The following AUTS2 variants were observed in gnomAD, a reference collection of about 807,000 sequenced individuals.
AUTS2 encodes the protein activator of transcription and developmental regulator AUTS2.
In AUTS2, 17 loss-of-function variants were observed where a neutral mutation model predicts 112.4. That is an observed-to-expected ratio of 0.15 (90% CI 0.10 to 0.23). The LOEUF (loss-of-function observed/expected upper bound fraction) is 0.23. Ranked by LOEUF, AUTS2 falls within the 10% of genes least tolerant of loss-of-function variation. AUTS2 has a pLI of 1.00. For synonymous variants in AUTS2, 751 were observed against 702.7 expected (o/e 1.07, Z -1.09); for missense variants, 1,510 against 1,701.6 (o/e 0.89, Z 1.98).
rs2129561608 is a variant in AUTS2 at position 70,790,243 on chromosome 7, C to T, written c.3027C>T (p.Asn1009=). The T allele has an allele frequency of 6.2e-7, 1 of 1,612,946 alleles. No homozygotes were observed. Among genetic ancestry groups the T allele is most frequent in the Non-Finnish European group, 8.5e-7 (1 of 1,179,838 alleles). Residue 1009 remains asparagine, a synonymous_variant, in exon 19 of 19, where the codon AAC becomes AAT. Coordinates refer to ENST00000342771, the MANE Select transcript of AUTS2 (RefSeq NM_015570.4). This position sits in a 1 kb window ranked among gnomAD's most constrained non-coding sequence, Gnocchi z 7.6. The stretch of plus-strand genomic sequence containing the variant: ...GGGCCTCGGAGCCGCCGCCTCCCAA[C>T]TCCTCGTCCAGCGTGCACCCGGGGC... The part of the protein sequence containing the change: ...THRASEPPPP[N]SSSSVHPGPL...
intron 2 of AUTS2, among the ~76,000 whole-genome samples, chr7:70,109,627 A>G (rs1468218658): frequency 6.6e-6 from 1 of 152,214 alleles, no homozygotes; most frequent in African/African-American, 2.4e-5. Context: ...TTACTACGAT[A>G]AAGGGTTATG....
intron 4 of AUTS2, among the ~76,000 whole-genome samples, chr7:70,224,201 G>A (rs1014913259): frequency 1.3e-5 from 2 of 152,036 alleles, no homozygotes; most frequent in African/African-American, 4.8e-5. Flanking sequence ...TGTAGACTCA[G>A]CTACTCTGGA....
chr7:70,223,852 GTTT>G (rs34236397), intron 4 of AUTS2, among the ~76,000 whole-genome samples: 1 of 131,934 alleles, frequency 7.6e-6, no homozygotes. Context: ...TTGTATCTTT[GTTT>G]TTTTTTTTTT....
At chr7:70,677,457 T>C (rs1305813904) in intron 5 of AUTS2, among the ~76,000 whole-genome samples, 1 of 152,202 alleles carries the variant, frequency 6.6e-6, no homozygotes, top group Non-Finnish European at 1.5e-5. Flanking sequence ...CCCCAGCCTT[T>C]ACATCTTAGC....
At chr7:70,037,266 A>G (rs1007924360) in intron 2 of AUTS2, among the ~76,000 whole-genome samples, 1 of 152,200 alleles carries the variant, frequency 6.6e-6, no homozygotes, top group African/African-American at 2.4e-5. Flanking sequence ...GATTTGAGTC[A>G]ATGGATACAA....
At chr7:69,806,695 G>C (rs1347546655) in intron 1 of AUTS2, among the ~76,000 whole-genome samples, 1 of 152,198 alleles carries the variant, frequency 6.6e-6, no homozygotes, top group Non-Finnish European at 1.5e-5. Context: ...TTGAGGCAGA[G>C]AGAGAAAGTA....
At chr7:70,138,003 T>A (rs1038842735) in intron 4 of AUTS2, among the ~76,000 whole-genome samples, 4 of 152,214 alleles carry the variant, frequency 2.6e-5, no homozygotes, top group Admixed American at 2.6e-4. Context: ...TATATGAACA[T>A]GACGATGTTG....
rs1168908066 is a variant in AUTS2 at position 69,897,066 on chromosome 7, C to T, written c.310-2220C>T. Among the ~76,000 whole-genome samples, 4 of 152,226 alleles carry T rather than the reference C, an allele frequency of 2.6e-5. No homozygotes were observed. In the East Asian group the frequency reaches 7.7e-4, roughly 29 times the overall value. ...TTCCCCACACCATTATCATCCTAAA[C>T]ATAGGTCAGTGCTACATTGGTACTT... On this transcript the variant is annotated intron_variant, in intron 1 of 18. Transcript: ENST00000342771.
Position 70,776,903 on chromosome 7 carries a change from G to A in AUTS2, c.1933-200G>A, listed in dbSNP as rs902279571. On this transcript the variant is annotated intron_variant, in intron 13 of 18. Coordinates refer to ENST00000342771, the MANE Select transcript of AUTS2 (RefSeq NM_015570.4). ...TTTCTGAGTAGCAAACCCACGTGGGGAGAGAGGGGGAGCTGGCTGTGACTC... is the reference window on the plus strand; with the variant it reads ...TTTCTGAGTAGCAAACCCACGTGGGAAGAGAGGGGGAGCTGGCTGTGACTC... 15 of 618,538 alleles carry A rather than the reference G, an allele frequency of 2.4e-5. No individual in the cohort carries two copies. The Admixed American group carries it at 4.3e-4, about 18-fold the overall frequency. The allele number at this position is 618,538 out of a possible 1,614,324, so 38.3% of individuals were successfully genotyped here.
intron 1 of AUTS2, among the ~76,000 whole-genome samples, chr7:69,858,934 C>T (rs1792855923): frequency 6.6e-6 from 1 of 152,210 alleles, no homozygotes; most frequent in Non-Finnish European, 1.5e-5. Context: ...CTAATTATTT[C>T]TTCTTTACTT....
At chr7:70,057,370 A>G (rs1483632671) in intron 2 of AUTS2, among the ~76,000 whole-genome samples, 1 of 152,198 alleles carries the variant, frequency 6.6e-6, no homozygotes, top group Non-Finnish European at 1.5e-5. Flanking sequence ...TTTCAGGAGC[A>G]TCAATGCCGG....
chr7:69,995,044 C>T (rs1206940527), intron 2 of AUTS2, among the ~76,000 whole-genome samples: 1 of 152,042 alleles, frequency 6.6e-6, no homozygotes, highest in Non-Finnish European at 1.5e-5. Context: ...CTTAATAAGC[C>T]CTCTGTTACT....
chr7:70,446,456 C>T (rs925789266), intron 5 of AUTS2, among the ~76,000 whole-genome samples: 1 of 152,136 alleles, frequency 6.6e-6, no homozygotes, highest in African/African-American at 2.4e-5. Context: ...TTTTTGTACC[C>T]ATTTTGTGTA....
chr7:70,532,067 T>A (rs1307527794), intron 5 of AUTS2, among the ~76,000 whole-genome samples: 1 of 152,144 alleles, frequency 6.6e-6, no homozygotes, highest in Non-Finnish European at 1.5e-5. Context: ...GGACAGTTCA[T>A]CTCTGCTCCA....
chr7:70,047,747 A>G (rs893675277), intron 2 of AUTS2, among the ~76,000 whole-genome samples: 1 of 152,194 alleles, frequency 6.6e-6, no homozygotes, highest in African/African-American at 2.4e-5. Context: ...AACTTACACT[A>G]AAGAGTGTGT....
intron 4 of AUTS2, among the ~76,000 whole-genome samples, chr7:70,259,360 T>C (rs1254099080): frequency 6.6e-6 from 1 of 152,150 alleles, no homozygotes; most frequent in Non-Finnish European, 1.5e-5. Flanking sequence ...AAAAGCCTTT[T>C]CAGTTCTTAA....
intron 4 of AUTS2, among the ~76,000 whole-genome samples, chr7:70,277,487 T>C (rs1335284675): frequency 6.6e-6 from 1 of 152,106 alleles, no homozygotes; most frequent in African/African-American, 2.4e-5. Context: ...CATGTTAAGA[T>C]GTGGTAATTA....
chr7:70,355,168 G>A (rs982112004), intron 4 of AUTS2, among the ~76,000 whole-genome samples: 4 of 151,668 alleles, frequency 2.6e-5, no homozygotes, highest in Non-Finnish European at 4.4e-5. Context: ...TTGTCTTAAC[G>A]AGTTTCCGAT....
intron 2 of AUTS2, among the ~76,000 whole-genome samples, chr7:70,004,886 A>G (rs1401217593): frequency 6.6e-6 from 1 of 151,770 alleles, no homozygotes; most frequent in Non-Finnish European, 1.5e-5. Context: ...GTGCAATGAC[A>G]TGGTCTCGGT....
Sources: allele counts gnomAD v4.1 joint callset (sites outside exome capture counted in the v4.1 genomes callset), GRCh38; gene constraint gnomAD v4.1.1; non-coding constraint Gnocchi (gnomAD v3.1); transcripts MANE v1.5; gene names NCBI Gene and HGNC (gene_info 2026-07-23, HGNC 2026-07-21).